Variants in MAP4 observed in about 807,000 individuals in gnomAD.
MAP4 encodes microtubule-associated protein 4.
Under a neutral mutation model 170.2 loss-of-function variants are expected in MAP4, and 76 were observed. The observed-to-expected ratio is 0.45, with a 90% confidence interval of 0.37 to 0.54. The LOEUF (loss-of-function observed/expected upper bound fraction) is 0.54, where lower values mean the gene tolerates loss of function less well. Ranked by LOEUF, MAP4 falls within the 20% of genes least tolerant of loss-of-function variation. MAP4 has a pLI of 0.00. For missense variants in MAP4, 2,506 were observed against 2,748.0 expected (o/e 0.91, Z 1.97); for synonymous variants, 909 against 994.5 (o/e 0.91, Z 1.62).
At chr3:48,042,580 G>A (rs1001871110) in intron 1 of MAP4, among the ~76,000 whole-genome samples, 2 of 152,034 alleles carry the variant, frequency 1.3e-5, no homozygotes, top group Non-Finnish European at 2.9e-5. Flanking sequence ...CCAGTAGCAT[G>A]ACTAAAATAA....
chr3:48,015,536 C>A (rs1045659716), intron 1 of MAP4, among the ~76,000 whole-genome samples: 1 of 152,080 alleles, frequency 6.6e-6, no homozygotes, highest in African/African-American at 2.4e-5. Context: ...GTATAGCCTG[C>A]TTCATAATAA....
intron 2 of MAP4, chr3:47,987,546 C>T: frequency 3.1e-6 from 2 of 643,200 alleles, no homozygotes; most frequent in Non-Finnish European, 5.1e-6. Flanking sequence ...TAACATCAAC[C>T]TCCAGCCCAG....
At chr3:48,051,898 G>T (rs1327681214) in intron 1 of MAP4, among the ~76,000 whole-genome samples, 1 of 152,128 alleles carries the variant, frequency 6.6e-6, no homozygotes, top group African/African-American at 2.4e-5. Flanking sequence ...CAATGTGAGG[G>T]CTAAAAATTT....
chr3:47,949,990 C>T (rs2100062665), intron 3 of MAP4, among the ~76,000 whole-genome samples: 1 of 152,204 alleles, frequency 6.6e-6, no homozygotes, highest in Non-Finnish European at 1.5e-5. Context: ...TGTTGGCACT[C>T]CAGCAAACAA....
At chr3:47,856,912 C>CG (rs2057530249) in intron 18 of MAP4, among the ~76,000 whole-genome samples, 1 of 152,390 alleles carries the variant, frequency 6.6e-6, no homozygotes, top group African/African-American at 2.4e-5. Context: ...CTCCGCACAG[C>CG]GACTTCCACA....
intron 1 of MAP4, among the ~76,000 whole-genome samples, chr3:48,058,395 T>C (rs1341568891): frequency 6.6e-6 from 1 of 152,208 alleles, no homozygotes; most frequent in Non-Finnish European, 1.5e-5. Context: ...GTAGCACACA[T>C]AAATACTACA....
At chr3:47,927,566 C>T (rs1310003613) in intron 4 of MAP4, among the ~76,000 whole-genome samples, 2 of 152,140 alleles carry the variant, frequency 1.3e-5, no homozygotes, top group South Asian at 4.1e-4. Context: ...ACCTCCGCCT[C>T]GCAGGTTCAA....
intron 3 of MAP4, among the ~76,000 whole-genome samples, chr3:47,942,745 G>A (rs544371108): frequency 6.6e-6 from 1 of 152,268 alleles, no homozygotes; most frequent in African/African-American, 2.4e-5. Flanking sequence ...AATAGTTGTG[G>A]TAAAATCGTA....
intron 4 of MAP4, 75 bp from the exon 5 acceptor site, chr3:47,921,953 C>T (rs948004859): frequency 1.3e-5 from 8 of 607,500 alleles, no homozygotes; most frequent in Admixed American, 2.6e-5. Context: ...TTCTTTCTTT[C>T]TTTTTTTTTT....
intron 1 of MAP4, among the ~76,000 whole-genome samples, chr3:48,077,783 C>CA (rs1241658172): frequency 1.3e-5 from 2 of 151,998 alleles, no homozygotes; most frequent in Admixed American, 6.6e-5. Flanking sequence ...AAATGCAACC[C>CA]AAATGTTCAT....
At chr3:47,888,684 T>C (rs1405932527) in intron 10 of MAP4, among the ~76,000 whole-genome samples, 1 of 152,204 alleles carries the variant, frequency 6.6e-6, no homozygotes, top group Non-Finnish European at 1.5e-5. Context: ...ACCCACCAAT[T>C]CCAGACACAG....
intron 10 of MAP4, among the ~76,000 whole-genome samples, chr3:47,878,513 A>G (rs188536181): frequency 6.6e-6 from 1 of 152,318 alleles, no homozygotes; most frequent in East Asian, 1.9e-4. Context: ...AATGTTAAGT[A>G]TAAGAAAAAT....
At chr3:47,900,665 G>A (rs1289154506) in intron 10 of MAP4, among the ~76,000 whole-genome samples, 2 of 152,156 alleles carry the variant, frequency 1.3e-5, no homozygotes, top group African/African-American at 4.8e-5. Context: ...GAACCTGGGA[G>A]GTGGAGATTA....
chr3:47,853,396 G>A (rs551559219), intron 19 of MAP4, 44 bp from the exon 20 acceptor site: 19 of 1,351,592 alleles, frequency 1.4e-5, no homozygotes, highest in East Asian at 2.5e-5. Flanking sequence ...TCAGTCGAGG[G>A]GGGGAGTGGG....
chr3:47,872,344 C>A (rs966957730), intron 12 of MAP4, among the ~76,000 whole-genome samples: 3 of 152,138 alleles, frequency 2.0e-5, no homozygotes, highest in Non-Finnish European at 4.4e-5. Context: ...CCACCACGCC[C>A]AGCTAATTTT....
Position 47,917,202 on chromosome 3 carries a change from T to G in MAP4, c.653-28A>C, listed in dbSNP as rs192676428. 182 of 1,581,218 alleles carry G rather than the reference T, an allele frequency of 1.2e-4. 1 individual carries two copies. The East Asian group carries it at 3.3e-3, about 29-fold the overall frequency. ...AAATTGGAAATTTAGGACACATCAT[T>G]GTCTACTCATACCTTTGCATTAAAA... is the stretch of plus-strand genomic sequence containing the variant. On this transcript the variant is annotated intron_variant, in intron 6 of 20. Transcript: ENST00000683076.
chr3:48,056,604 C>T (rs1413394162), intron 1 of MAP4, among the ~76,000 whole-genome samples: 7 of 120,508 alleles, frequency 5.8e-5, no homozygotes, highest in Non-Finnish European at 9.8e-5. Context: ...CCGCCCCATC[C>T]GGGAGGGAGG....
At chr3:47,964,901 G>A (rs1413314088) in intron 3 of MAP4, among the ~76,000 whole-genome samples, 1 of 152,018 alleles carries the variant, frequency 6.6e-6, no homozygotes, top group Non-Finnish European at 1.5e-5. Context: ...CAGTTCAGTG[G>A]TATTAAGTAC....
At chr3:47,970,861 T>C (rs2154236394) in intron 3 of MAP4, among the ~76,000 whole-genome samples, 1 of 152,282 alleles carries the variant, frequency 6.6e-6, no homozygotes, top group South Asian at 2.1e-4. Flanking sequence ...ATATTTTCAC[T>C]TAAAGCTCAA....
Sources: allele counts gnomAD v4.1 joint callset (sites outside exome capture counted in the v4.1 genomes callset), GRCh38; gene constraint gnomAD v4.1.1; transcripts MANE v1.5; gene names NCBI Gene and HGNC (gene_info 2026-07-23, HGNC 2026-07-21).